CSMD1: variants seen among roughly 807,000 people sequenced by gnomAD.
CSMD1 encodes CUB and sushi domain-containing protein 1.
CSMD1 carries 213 observed loss-of-function variants against 417.5 expected under a neutral mutation model. That is an observed-to-expected ratio of 0.51 (90% CI 0.46 to 0.57). The LOEUF (loss-of-function observed/expected upper bound fraction) is 0.57. Among genes scored for constraint, CSMD1 ranks in the 20% least tolerant of loss-of-function variants. CSMD1 has a pLI of 0.00. For synonymous variants in CSMD1, 2,862 were observed against 1,736.8 expected (o/e 1.65, Z -16.11); for missense variants, 6,923 against 4,529.7 (o/e 1.53, Z -15.17).
chr8:4,816,392 G>C (rs1184461236), intron 1 of CSMD1, among the ~76,000 whole-genome samples: 1 of 151,896 alleles, frequency 6.6e-6, no homozygotes, highest in African/African-American at 2.4e-5. Context: ...GGGGGGCTGG[G>C]GGCACTGTGG....
intron 3 of CSMD1, among the ~76,000 whole-genome samples, chr8:4,261,809 T>A (rs1369002755): frequency 6.6e-6 from 1 of 152,192 alleles, no homozygotes; most frequent in Non-Finnish European, 1.5e-5. Context: ...CATTTCTCAA[T>A]ATATCACATT....
At chr8:2,971,938 T>C (rs1430658904) in intron 57 of CSMD1, among the ~76,000 whole-genome samples, 1 of 152,160 alleles carries the variant, frequency 6.6e-6, no homozygotes, top group Middle Eastern at 3.2e-3. Context: ...TATCTTGGAT[T>C]ATCATGTTTG....
intron 1 of CSMD1, among the ~76,000 whole-genome samples, chr8:4,794,578 C>G (rs1797870485): frequency 6.6e-6 from 1 of 152,124 alleles, no homozygotes; most frequent in African/African-American, 2.4e-5. Context: ...GATTCTTCCC[C>G]TTCTCTCACC....
chr8:3,165,579 C>A (rs1820154944), intron 37 of CSMD1, among the ~76,000 whole-genome samples: 1 of 151,870 alleles, frequency 6.6e-6, no homozygotes, highest in East Asian at 1.9e-4. Context: ...CTACAGGTGC[C>A]CGCCACCACG....
intron 3 of CSMD1, among the ~76,000 whole-genome samples, chr8:4,254,214 GC>G (rs1803284735): frequency 6.6e-6 from 1 of 152,066 alleles, no homozygotes; most frequent in Non-Finnish European, 1.5e-5. Flanking sequence ...ACCACGCCAA[GC>G]CTTTCCTTTT....
rs542152919 is a variant in CSMD1 at position 3,258,912 on chromosome 8, A to G, written c.4153+25232T>C. 7.2e-5 allele frequency among the ~76,000 whole-genome samples: 11 copies of G among 152,342 alleles called. No individual in the cohort carries two copies. The East Asian group carries it at 1.9e-3, about 27-fold the overall frequency. On this transcript the variant is annotated intron_variant, in intron 26 of 69. Transcript: ENST00000635120. ...ACGATGAGAACACATGGACACATAA[A>G]GGGGAACAATAGACACTGCGGTCTC...
intron 3 of CSMD1, among the ~76,000 whole-genome samples, chr8:4,297,252 G>A (rs184442714): frequency 4.6e-4 from 70 of 152,074 alleles, no homozygotes; most frequent in African/African-American, 1.7e-3. Context: ...TAAATATAGA[G>A]CTTGAAATTT....
At chr8:4,880,661 T>C (rs1194079261) in intron 1 of CSMD1, among the ~76,000 whole-genome samples, 3 of 152,042 alleles carry the variant, frequency 2.0e-5, no homozygotes, top group Admixed American at 6.5e-5. Context: ...CAATCGGAAG[T>C]GGAGACAGAG....
chr8:3,799,893 T>G (rs1054617196), intron 5 of CSMD1, among the ~76,000 whole-genome samples: 24 of 152,176 alleles, frequency 1.6e-4, no homozygotes, highest in African/African-American at 5.3e-4. Flanking sequence ...ACTTGCTATA[T>G]AATTGAAAAA....
chr8:4,718,243 T>G (rs1245877113), intron 1 of CSMD1, among the ~76,000 whole-genome samples: 2 of 152,198 alleles, frequency 1.3e-5, no homozygotes, highest in African/African-American at 2.4e-5. Flanking sequence ...TCCCAAAATG[T>G]TGGGATTACA....
chr8:4,297,802 G>C (rs751315401), intron 3 of CSMD1, among the ~76,000 whole-genome samples: 1 of 152,088 alleles, frequency 6.6e-6, no homozygotes, highest in Non-Finnish European at 1.5e-5. Context: ...GATTTTCAGT[G>C]AATTATATAA....
At chr8:4,451,913 G>T (rs768229248) in intron 2 of CSMD1, among the ~76,000 whole-genome samples, 1 of 149,794 alleles carries the variant, frequency 6.7e-6, no homozygotes, top group African/African-American at 2.4e-5. Context: ...AATGATACCT[G>T]CCCAGAGATG....
chr8:4,074,282 G>C (rs1293928546), intron 3 of CSMD1, among the ~76,000 whole-genome samples: 1 of 152,126 alleles, frequency 6.6e-6, no homozygotes, highest in Non-Finnish European at 1.5e-5. Flanking sequence ...TCATGAAACG[G>C]TGTCAGCTAA....
At chr8:3,371,342 G>T (rs1809933218) in intron 18 of CSMD1, among the ~76,000 whole-genome samples, 1 of 152,010 alleles carries the variant, frequency 6.6e-6, no homozygotes, top group South Asian at 2.1e-4. Context: ...TGTAAAATGG[G>T]GCAAAAATCA....
At chr8:3,946,340 C>CA (rs1327410843) in intron 5 of CSMD1, among the ~76,000 whole-genome samples, 5 of 151,984 alleles carry the variant, frequency 3.3e-5, no homozygotes, top group Admixed American at 6.6e-5. Context: ...ACATTTTCGT[C>CA]AAAAAAATCA....
chr8:3,999,489 G>A (rs1815488577), intron 4 of CSMD1, among the ~76,000 whole-genome samples: 1 of 152,138 alleles, frequency 6.6e-6, no homozygotes, highest in South Asian at 2.1e-4. Context: ...TCACAAAAAC[G>A]TCAAAATAGA....
intron 3 of CSMD1, among the ~76,000 whole-genome samples, chr8:4,115,130 A>G (rs1013730359): frequency 4.6e-5 from 7 of 152,210 alleles, no homozygotes; most frequent in Admixed American, 3.3e-4. Context: ...AAAAGTCCAT[A>G]GATGAGGCAA....
chr8:3,654,423 A>G (rs891416104), intron 7 of CSMD1, among the ~76,000 whole-genome samples: 18 of 152,184 alleles, frequency 1.2e-4, no homozygotes, highest in Non-Finnish European at 1.9e-4. Context: ...TGTAGTCCAC[A>G]TGCCTGTGCA....
chr8:3,128,874 A>G (rs1247493730), intron 41 of CSMD1: 2 of 455,666 alleles, frequency 4.4e-6, no homozygotes, highest in South Asian at 1.6e-5. Flanking sequence ...AGACATGGGA[A>G]AGCAGGACCA....
Sources: allele counts gnomAD v4.1 joint callset (sites outside exome capture counted in the v4.1 genomes callset), GRCh38; gene constraint gnomAD v4.1.1; transcripts MANE v1.5; gene names NCBI Gene and HGNC (gene_info 2026-07-23, HGNC 2026-07-21).